The following PRKG1 variants were observed in gnomAD, a reference collection of about 807,000 sequenced individuals.
PRKG1 encodes protein kinase cGMP-dependent 1, also known as cGMP-dependent protein kinase 1.
Under a neutral mutation model 88.1 loss-of-function variants are expected in PRKG1, and 35 were observed. The observed-to-expected ratio is 0.40, with a 90% CI of 0.30 to 0.53. PRKG1 has a LOEUF of 0.53. Ranked by LOEUF, PRKG1 falls within the 20% of genes least tolerant of loss-of-function variation. The probability of loss-of-function intolerance (pLI) is 0.59; values close to 1 mark genes in which losing one functional copy is unlikely to be tolerated. For missense variants in PRKG1, 540 were observed against 839.8 expected, an observed-to-expected ratio of 0.64 and a Z score of 4.41; for synonymous variants, 303 against 292.5, an observed-to-expected ratio of 1.04 and a Z score of -0.37.
chr10:51,594,539 CT>C (rs1402201038), intron 3 of PRKG1, among the ~76,000 whole-genome samples: 1 of 152,206 alleles, frequency 6.6e-6, no homozygotes, highest in Non-Finnish European at 1.5e-5. Context: ...TGTGTGAGCA[CT>C]CCATTTACAT....
At chr10:51,106,641 G>A (rs1813072366) in intron 1 of PRKG1, among the ~76,000 whole-genome samples, 1 of 152,308 alleles carries the variant, frequency 6.6e-6, no homozygotes, top group Non-Finnish European at 1.5e-5. Context: ...CAGCCAAAAA[G>A]TGAGCATGAA....
At chr10:51,358,221 T>A (rs1842406981) in intron 2 of PRKG1, among the ~76,000 whole-genome samples, 1 of 151,874 alleles carries the variant, frequency 6.6e-6, no homozygotes, top group African/African-American at 2.4e-5. Flanking sequence ...AAATAGGTGC[T>A]GTTGGCAGAG....
At chr10:51,380,408 T>G (rs939577353) in intron 2 of PRKG1, among the ~76,000 whole-genome samples, 4 of 152,166 alleles carry the variant, frequency 2.6e-5, no homozygotes, top group African/African-American at 9.7e-5. Context: ...ATAATCTCCA[T>G]GAAAAAAGAG....
intron 5 of PRKG1, among the ~76,000 whole-genome samples, chr10:52,046,398 G>C (rs1265997351): frequency 2.0e-5 from 3 of 151,984 alleles, no homozygotes; most frequent in African/African-American, 7.2e-5. Flanking sequence ...ATCCAGTGAG[G>C]AATCACTGCC....
At chr10:51,514,337 A>G (rs1841512947) in intron 3 of PRKG1, among the ~76,000 whole-genome samples, 3 of 152,182 alleles carry the variant, frequency 2.0e-5, no homozygotes, top group Admixed American at 2.0e-4. Context: ...TCACTATCTG[A>G]AAATTTCTTG....
chr10:51,015,482 T>A (rs1843046111), intron 1 of PRKG1, among the ~76,000 whole-genome samples: 1 of 152,234 alleles, frequency 6.6e-6, no homozygotes, highest in Non-Finnish European at 1.5e-5. Flanking sequence ...TTTACATCAT[T>A]GTAGCTCAGT....
At chr10:52,013,605 G>A (rs10823954) in intron 5 of PRKG1, among the ~76,000 whole-genome samples, 37,438 of 152,112 alleles carry the variant, frequency 0.25, 5,027 homozygotes, top group Admixed American at 0.31. Flanking sequence ...ATGAGCTTAT[G>A]TTCGAGAAAA....
intron 5 of PRKG1, among the ~76,000 whole-genome samples, chr10:51,997,394 C>T (rs1432180303): frequency 6.6e-6 from 1 of 150,952 alleles, no homozygotes; most frequent in African/African-American, 2.4e-5. Context: ...TCATTTGAAC[C>T]CGGGAGGCGG....
intron 2 of PRKG1, among the ~76,000 whole-genome samples, chr10:51,446,531 C>T (rs570110520): frequency 6.6e-6 from 1 of 152,098 alleles, no homozygotes; most frequent in Non-Finnish European, 1.5e-5. Flanking sequence ...TTCATTTCCA[C>T]AAAGCATTTT....
intron 9 of PRKG1, among the ~76,000 whole-genome samples, chr10:52,218,541 C>T (rs1024526497): frequency 1.3e-5 from 2 of 152,002 alleles, no homozygotes; most frequent in East Asian, 1.9e-4. Flanking sequence ...TATGAATAGT[C>T]GCAATACAAA....
Position 51,410,256 on chromosome 10 carries a change from G to A in PRKG1, c.479-57467G>A, listed in dbSNP as rs373376833. Among the ~76,000 whole-genome samples, 982 of 140,540 alleles carry A rather than the reference G, an allele frequency of 7.0e-3. 10 individuals carry two copies. The highest frequency in any genetic ancestry group is 0.023 in the African/African-American group (861 of 37,156). The allele number at this position is 140,540 out of a possible 152,430, so 92.2% of individuals were successfully genotyped here. A position where few individuals can be genotyped will look rare whatever the true frequency, so the allele number is the denominator to read the frequency against. On this transcript the variant is annotated intron_variant, in intron 2 of 17. Transcript: ENST00000373980. ...TGTGTGTATGTGTGTGTGTGTGTGT[G>A]TGTATATATATATATGTGTGTGTGT...
intron 1 of PRKG1, among the ~76,000 whole-genome samples, chr10:51,097,192 A>T (rs1458443954): frequency 6.6e-6 from 1 of 152,130 alleles, no homozygotes; most frequent in Non-Finnish European, 1.5e-5. Context: ...TATAGGAGGA[A>T]AACATGCAGG....
At position 52,153,964 on chromosome 10, in the gene PRKG1, C is replaced by T. The variant is rs369804364; in HGVS notation, c.1002-7925C>T. On this transcript the variant is annotated intron_variant, in intron 8 of 17. Transcript: ENST00000373980. ...TTATCCATGTTGGTCAGGCTGGTCTCGAACTCCTGACCTCAAGTGATCCAC... is the reference window on the plus strand; with the variant it reads ...TTATCCATGTTGGTCAGGCTGGTCTTGAACTCCTGACCTCAAGTGATCCAC... Among the ~76,000 whole-genome samples, 10 of 152,026 alleles carry T rather than the reference C, an allele frequency of 6.6e-5. No individual in the cohort carries two copies. The East Asian group carries it at 7.8e-4, about 12-fold the overall frequency.
intron 7 of PRKG1, among the ~76,000 whole-genome samples, chr10:52,083,707 G>T (rs1013418182): frequency 1.3e-5 from 2 of 152,014 alleles, no homozygotes; most frequent in Non-Finnish European, 2.9e-5. Flanking sequence ...TTTTTCAGTG[G>T]CTGCACATAC....
chr10:52,135,698 A>G (rs1589637882), intron 8 of PRKG1, among the ~76,000 whole-genome samples: 1 of 152,140 alleles, frequency 6.6e-6, no homozygotes. Context: ...GTACGATGAC[A>G]TTCTACTAAG....
At chr10:52,142,872 C>G (rs1320718087) in intron 8 of PRKG1, among the ~76,000 whole-genome samples, 1 of 152,080 alleles carries the variant, frequency 6.6e-6, no homozygotes, top group Non-Finnish European at 1.5e-5. Context: ...AAACTACAAG[C>G]TTAAGGAGGA....
At chr10:51,692,282 A>T (rs973561111) in intron 3 of PRKG1, among the ~76,000 whole-genome samples, 5 of 151,230 alleles carry the variant, frequency 3.3e-5, no homozygotes, top group African/African-American at 1.2e-4. Flanking sequence ...TTTCTCTGTC[A>T]CCCAGGCTGG....
intron 2 of PRKG1, among the ~76,000 whole-genome samples, chr10:51,314,064 C>T (rs2132495133): frequency 6.6e-6 from 1 of 152,266 alleles, no homozygotes; most frequent in African/African-American, 2.4e-5. Context: ...ATGAGGCAGG[C>T]TGGTCCTCAC....
intron 3 of PRKG1, among the ~76,000 whole-genome samples, chr10:51,621,037 C>A (rs1298917531): frequency 1.8e-5 from 1 of 56,042 alleles, no homozygotes; most frequent in East Asian, 8.1e-4. Context: ...ATATATGACT[C>A]CTATATATGT....
Sources: gnomAD v4.1 joint callset for allele counts (sites outside exome capture counted in the v4.1 genomes callset) on GRCh38, gnomAD v4.1.1 for gene constraint, MANE v1.5 for transcripts, NCBI Gene and HGNC (gene_info 2026-07-23, HGNC 2026-07-21) for gene names.